RBFOX3: variants seen among roughly 807,000 people sequenced by gnomAD.
RBFOX3 encodes RNA binding fox-1 homolog 3, also known as RNA binding protein fox-1 homolog 3.
RBFOX3 carries 17 observed loss-of-function variants against 48.7 expected under a neutral mutation model. The observed-to-expected ratio is 0.35, with a 90% confidence interval of 0.24 to 0.52. The LOEUF (loss-of-function observed/expected upper bound fraction) is 0.52, where lower values mean the gene tolerates loss of function less well. RBFOX3 is among the 20% of genes least tolerant of loss of function. The pLI is 0.94. For synonymous variants in RBFOX3, 212 were observed against 209.5 expected (o/e 1.01, Z -0.10); for missense variants, 382 against 497.5 (o/e 0.77, Z 2.21).
At chr17:79,581,173 A>G (rs1026108534) in intron 1 of RBFOX3, among the ~76,000 whole-genome samples, 5 of 152,162 alleles carry the variant, frequency 3.3e-5, no homozygotes, top group Admixed American at 2.0e-4. Context: ...GCATGAACCC[A>G]GGAGATGGAG....
At chr17:79,126,053 T>C (rs1647444795) in intron 4 of RBFOX3, among the ~76,000 whole-genome samples, 1 of 152,014 alleles carries the variant, frequency 6.6e-6, no homozygotes, top group Admixed American at 6.5e-5. Flanking sequence ...ACAAGCTGAG[T>C]TTCACAGAGG....
chr17:79,159,193 G>A (rs556018968), intron 4 of RBFOX3, among the ~76,000 whole-genome samples: 1 of 152,312 alleles, frequency 6.6e-6, no homozygotes, highest in African/African-American at 2.4e-5. Flanking sequence ...GGGAGGCTCT[G>A]ACTCAATGCC....
the RBFOX3 span, among the ~76,000 whole-genome samples, chr17:79,636,839 A>C: frequency 6.6e-6 from 1 of 152,204 alleles, no homozygotes; most frequent in Admixed American, 6.5e-5. Flanking sequence ...ATGTAAATAG[A>C]CTAAATTCTC....
intron 1 of RBFOX3, among the ~76,000 whole-genome samples, chr17:79,608,245 G>A (rs2093881317): frequency 6.6e-6 from 1 of 152,248 alleles, no homozygotes; most frequent in African/African-American, 2.4e-5. Context: ...CGGAAGGGCA[G>A]TGAATACTCC....
At chr17:79,225,941 G>A (rs1255996548) in intron 4 of RBFOX3, among the ~76,000 whole-genome samples, 2 of 152,012 alleles carry the variant, frequency 1.3e-5, no homozygotes, top group South Asian at 4.2e-4. Context: ...GGGGAAGCAG[G>A]ATGGGGGTGT....
intron 4 of RBFOX3, chr17:79,234,518 C>T (rs2061403584): frequency 6.6e-6 from 1 of 152,082 alleles, no homozygotes; most frequent in Non-Finnish European, 1.5e-5. Flanking sequence ...TTTTGAAAAA[C>T]GCAGCGCTGG....
intron 1 of RBFOX3, among the ~76,000 whole-genome samples, chr17:79,570,701 T>C (rs1300205140): frequency 6.6e-6 from 1 of 152,108 alleles, no homozygotes; most frequent in Non-Finnish European, 1.5e-5. Flanking sequence ...ACCCCACCCC[T>C]GGGGACCCTG....
chr17:79,509,635 G>A (rs2083797182), intron 1 of RBFOX3, among the ~76,000 whole-genome samples: 1 of 152,118 alleles, frequency 6.6e-6, no homozygotes, highest in Non-Finnish European at 1.5e-5. Flanking sequence ...GGCAGGGTCG[G>A]CGCCTGGGAG....
intron 1 of RBFOX3, among the ~76,000 whole-genome samples, chr17:79,532,888 C>G (rs2088052892): frequency 1.3e-5 from 2 of 152,216 alleles, no homozygotes; most frequent in Admixed American, 1.3e-4. Flanking sequence ...CCTGTCGAAA[C>G]TGCTCTCAGC....
chr17:79,297,931 C>T (rs1230075331), intron 3 of RBFOX3, among the ~76,000 whole-genome samples: 11 of 152,242 alleles, frequency 7.2e-5, no homozygotes, highest in African/African-American at 1.7e-4. Context: ...TTACCAACAA[C>T]GCGTGTGTCT....
At chr17:79,275,630 C>T (rs1360782132) in intron 3 of RBFOX3, among the ~76,000 whole-genome samples, 3 of 152,322 alleles carry the variant, frequency 2.0e-5, no homozygotes, top group African/African-American at 4.8e-5. Flanking sequence ...GTTGCCAGCA[C>T]ACCACTGTGC....
At chr17:79,135,573 G>T (rs922333047) in intron 4 of RBFOX3, among the ~76,000 whole-genome samples, 4 of 152,174 alleles carry the variant, frequency 2.6e-5, no homozygotes, top group African/African-American at 9.7e-5. Flanking sequence ...TGACTGGCCC[G>T]ACCTTCCTTC....
intron 1 of RBFOX3, among the ~76,000 whole-genome samples, chr17:79,547,705 G>A (rs144483749): frequency 0.012 from 1,884 of 152,310 alleles, 20 homozygotes; most frequent in Middle Eastern, 0.044. Flanking sequence ...AGGGGCTGCC[G>A]TCCAGCACCT....
chr17:79,386,162 G>A (rs1224417756), intron 2 of RBFOX3, among the ~76,000 whole-genome samples: 4 of 147,202 alleles, frequency 2.7e-5, no homozygotes, highest in Non-Finnish European at 5.9e-5. Flanking sequence ...GCAGACATGA[G>A]CTCCATCACC....
chr17:79,549,623 G>A (rs1316290993), intron 1 of RBFOX3, among the ~76,000 whole-genome samples: 7 of 152,348 alleles, frequency 4.6e-5, no homozygotes, highest in Non-Finnish European at 8.8e-5. Flanking sequence ...GATGATGGGG[G>A]CCCTCAGTGG....
Position 79,570,840 on chromosome 17 carries a change from G to A in RBFOX3, c.-320+39986C>T, listed in dbSNP as rs1038535822. On this transcript the variant is annotated intron_variant, in intron 1 of 14. Coordinates refer to ENST00000693108, the MANE Select transcript of RBFOX3 (RefSeq NM_001350451.2). ...CTTTCCAGGAGTGGGCCTGTGGGCC[G>A]GGCTGCTTTGCATGCCTTGCAATAG... Among the ~76,000 whole-genome samples the A allele has an allele frequency of 2.8e-4, 42 of 152,278 alleles. No individual in the cohort carries two copies. The East Asian group carries it at 2.9e-3, about 11-fold the overall frequency.
the RBFOX3 span, among the ~76,000 whole-genome samples, chr17:79,620,481 G>A: frequency 4.5e-4 from 59 of 131,648 alleles, no homozygotes; most frequent in South Asian, 2.9e-3. Flanking sequence ...GTGCACACAC[G>A]CACGTGCACA....
In RBFOX3 at chr17:79,243,600, G is replaced by A. The variant is rs1200655741; in HGVS notation, c.-73-7795C>T. On this transcript the variant is annotated intron_variant, in intron 3 of 14. Coordinates refer to ENST00000693108, the MANE Select transcript of RBFOX3 (RefSeq NM_001350451.2). The surrounding 1 kb of genome is among the most constrained non-coding windows in gnomAD (Gnocchi z 7.9). ...CACCTGGCTGCCCTCAGGTGGGAGGGTGTGGGGAAGGTGCTGGCTTTGCAT... is the reference window on the plus strand; with the variant it reads ...CACCTGGCTGCCCTCAGGTGGGAGGATGTGGGGAAGGTGCTGGCTTTGCAT... Among the ~76,000 whole-genome samples the A allele has an allele frequency of 6.6e-6, 1 of 152,076 alleles. No individual in the cohort carries two copies. The highest frequency in any genetic ancestry group is 1.5e-5 in the Non-Finnish European group (1 of 67,992).
At chr17:79,573,003 C>G (rs1352738194) in intron 1 of RBFOX3, among the ~76,000 whole-genome samples, 1 of 152,228 alleles carries the variant, frequency 6.6e-6, no homozygotes, top group Non-Finnish European at 1.5e-5. Context: ...GGGACACACT[C>G]ATACTAAGCA....
Sources: gnomAD v4.1 joint callset for allele counts (sites outside exome capture counted in the v4.1 genomes callset) on GRCh38, gnomAD v4.1.1 for gene constraint, Gnocchi (gnomAD v3.1) non-coding constraint, MANE v1.5 for transcripts, NCBI Gene and HGNC (gene_info 2026-07-23, HGNC 2026-07-21) for gene names.